TGFBR3: variants seen among roughly 807,000 people sequenced by gnomAD.
TGFBR3 encodes the protein transforming growth factor beta receptor 3.
Under a neutral mutation model 87.9 loss-of-function variants are expected in TGFBR3, and 46 were observed. That is an observed-to-expected ratio of 0.52 (90% confidence interval 0.41 to 0.67). The LOEUF is 0.67. Ranked by LOEUF, TGFBR3 falls within the 30% of genes least tolerant of loss-of-function variation. TGFBR3 has a pLI of 0.00. For missense variants in TGFBR3, 866 were observed against 1,041.9 expected (o/e 0.83, Z 2.32); for synonymous variants, 381 against 391.6 (o/e 0.97, Z 0.32).
intron 4 of TGFBR3, among the ~76,000 whole-genome samples, chr1:91,757,275 C>T (rs987385435): frequency 2.6e-5 from 4 of 152,160 alleles, no homozygotes; most frequent in African/African-American, 9.7e-5. Context: ...AGGTTATATG[C>T]ATTTCTGGCA....
chr1:91,872,302 G>A (rs1033026248), intron 1 of TGFBR3, among the ~76,000 whole-genome samples: 7 of 152,120 alleles, frequency 4.6e-5, no homozygotes, highest in African/African-American at 1.7e-4. Flanking sequence ...TTGCCCTGAG[G>A]ATTTACGGTA....
intron 16 of TGFBR3, among the ~76,000 whole-genome samples, chr1:91,689,095 T>C (rs1160708366): frequency 3.3e-5 from 5 of 152,314 alleles, no homozygotes; most frequent in East Asian, 1.9e-4. Flanking sequence ...TTGGTGTGTC[T>C]TTTTCTCTCA....
At chr1:91,884,197 G>C (rs60567426) in intron 1 of TGFBR3, among the ~76,000 whole-genome samples, 77,868 of 151,106 alleles carry the variant, frequency 0.52, 20,826 homozygotes, top group Middle Eastern at 0.61. Flanking sequence ...GCGCGCGCCT[G>C]TAGTCCCAGC....
chr1:91,700,158 A>G (rs1294703132), intron 14 of TGFBR3, among the ~76,000 whole-genome samples: 1 of 152,222 alleles, frequency 6.6e-6, no homozygotes, highest in Non-Finnish European at 1.5e-5. Flanking sequence ...AATAAAAAAT[A>G]ATCACTATCT....
intron 2 of TGFBR3, among the ~76,000 whole-genome samples, chr1:91,845,433 A>G (rs552978236): frequency 1.1e-4 from 16 of 152,354 alleles, no homozygotes; most frequent in Admixed American, 6.5e-4. Flanking sequence ...TGGCTTTTAG[A>G]TAAGTCTGAA....
chr1:91,781,975 A>G (rs1050013195), intron 3 of TGFBR3, among the ~76,000 whole-genome samples: 1 of 152,194 alleles, frequency 6.6e-6, no homozygotes, highest in African/African-American at 2.4e-5. Flanking sequence ...TAGAAAAATA[A>G]TTGTTCACAA....
chr1:91,758,531 C>T (rs1247000405), intron 4 of TGFBR3, 82 bp downstream of exon 4: 11 of 1,499,522 alleles, frequency 7.3e-6, no homozygotes, highest in Non-Finnish European at 1.0e-5. Context: ...TGAAAGTAAG[C>T]CTTTATGAAA....
At chr1:91,718,491 T>C in intron 10 of TGFBR3, among the ~76,000 whole-genome samples, 1 of 135,644 alleles carries the variant, frequency 7.4e-6, no homozygotes, top group African/African-American at 2.7e-5. Context: ...CCACCCTGTG[T>C]CAAAGGTGGA....
intron 3 of TGFBR3, among the ~76,000 whole-genome samples, chr1:91,773,125 TC>T (rs1285683771): frequency 6.6e-6 from 1 of 152,138 alleles, no homozygotes; most frequent in Non-Finnish European, 1.5e-5. Context: ...AGGCCTGTAA[TC>T]CCAGCACTCT....
chr1:91,803,280 A>T (rs544739698), intron 2 of TGFBR3, among the ~76,000 whole-genome samples: 14 of 152,226 alleles, frequency 9.2e-5, no homozygotes, highest in Non-Finnish European at 2.1e-4. Flanking sequence ...TTCAAGTGCC[A>T]GCTGGACACA....
chr1:91,731,935 T>G (rs1392898055), intron 5 of TGFBR3, among the ~76,000 whole-genome samples: 1 of 152,186 alleles, frequency 6.6e-6, no homozygotes, highest in African/African-American at 2.4e-5. Context: ...TGACCACTTT[T>G]GTTGTGTGTG....
At chr1:91,737,832 A>C (rs775044297) in intron 4 of TGFBR3, among the ~76,000 whole-genome samples, 7 of 152,308 alleles carry the variant, frequency 4.6e-5, no homozygotes, top group Non-Finnish European at 1.0e-4. Context: ...CAAGGTCTCC[A>C]GGTATGGTCT....
intron 2 of TGFBR3, among the ~76,000 whole-genome samples, chr1:91,825,947 CT>C (rs1228362185): frequency 4.7e-5 from 7 of 147,738 alleles, no homozygotes; most frequent in African/African-American, 1.8e-4. Flanking sequence ...TGCCATTGCA[CT>C]CTAGCCTGGG....
intron 4 of TGFBR3, among the ~76,000 whole-genome samples, chr1:91,754,683 T>C (rs1280874572): frequency 2.6e-5 from 4 of 152,192 alleles, no homozygotes; most frequent in Non-Finnish European, 5.9e-5. Context: ...GACAGATGCC[T>C]TTATTACTAG....
At chr1:91,720,968 G>T (rs2100784905) in intron 8 of TGFBR3, among the ~76,000 whole-genome samples, 1 of 152,152 alleles carries the variant, frequency 6.6e-6, no homozygotes, top group East Asian at 1.9e-4. Flanking sequence ...TCCTTCAAAG[G>T]GAGAGACGTA....
At chr1:91,856,744 G>A (rs2799515) in intron 2 of TGFBR3, among the ~76,000 whole-genome samples, 19,889 of 152,202 alleles carry the variant, frequency 0.13, 1,654 homozygotes, top group East Asian at 0.4. Context: ...CTGATGACCT[G>A]TGTCTGTCTC....
chr1:91,739,378 A>G (rs1673073167), intron 4 of TGFBR3, among the ~76,000 whole-genome samples: 1 of 152,134 alleles, frequency 6.6e-6, no homozygotes, highest in Non-Finnish European at 1.5e-5. Context: ...TATACCCATA[A>G]TTCTCCCAAA....
At position 91,886,084 on chromosome 1, in the gene TGFBR3, C is replaced by CGCCGACT. The variant is rs1372057154; in HGVS notation, c.-327_-321dup. 2 of 454,006 alleles carry CGCCGACT rather than the reference C, an allele frequency of 4.4e-6. No individual in the cohort carries two copies. Among genetic ancestry groups the CGCCGACT allele is most frequent in the African/African-American group, 4.0e-5 (2 of 50,014 alleles). 28.1% of individuals were successfully genotyped at this position (454,006 alleles called of 1,614,324 possible). Reference sequence around the variant, plus strand: ...GGGAAAGTGGCCGGGGCGCGAGAGCCGCCGACTGCCCTCCTTCACTCGCTG... The same window carrying CGCCGACT: ...GGGAAAGTGGCCGGGGCGCGAGAGCCGCCGACTGCCGACTGCCCTCCTTCACTCGCTG... On this transcript the variant is annotated 5_prime_UTR_variant, in exon 1 of 17. Transcript: ENST00000212355.
chr1:91,848,289 C>T (rs1677583463), intron 2 of TGFBR3, among the ~76,000 whole-genome samples: 1 of 152,204 alleles, frequency 6.6e-6, no homozygotes, highest in Non-Finnish European at 1.5e-5. Flanking sequence ...ACGGTATCAG[C>T]ATCTTATGAG....
Sources: allele counts gnomAD v4.1 joint callset (sites outside exome capture counted in the v4.1 genomes callset), GRCh38; gene constraint gnomAD v4.1.1; transcripts MANE v1.5; gene names NCBI Gene and HGNC (gene_info 2026-07-23, HGNC 2026-07-21).